The following LY86 variants were observed in gnomAD, a reference collection of about 807,000 sequenced individuals.
LY86 encodes the protein lymphocyte antigen 86.
Under a neutral mutation model 17.3 loss-of-function variants are expected in LY86, and 20 were observed. That is an observed-to-expected ratio of 1.15 (90% CI 0.81 to 1.68). LY86 has a LOEUF of 1.68. Ranked by LOEUF, LY86 falls within the 40% of genes most tolerant of loss-of-function variation. The pLI, the probability that LY86 is intolerant of heterozygous loss-of-function variation, is 0.00. For missense variants in LY86, 200 were observed against 191.9 expected (o/e 1.04, Z -0.25); for synonymous variants, 74 against 70.6 (o/e 1.05, Z -0.24).
intron 1 of LY86, among the ~76,000 whole-genome samples, chr6:6,606,202 C>A (rs1761137826): frequency 6.6e-6 from 1 of 152,074 alleles, no homozygotes; most frequent in Admixed American, 6.6e-5. Flanking sequence ...CAAAGGCTCT[C>A]CACCTCCCCA....
At chr6:6,634,493 T>C (rs1191767508) in intron 3 of LY86, among the ~76,000 whole-genome samples, 1 of 152,254 alleles carries the variant, frequency 6.6e-6, no homozygotes, top group Non-Finnish European at 1.5e-5. Context: ...TGTGACAGCA[T>C]CCAAGAGATT....
rs74384434 is a variant in LY86 at position 6,634,107 on chromosome 6, G to A, written c.352+7686G>A. The stretch of plus-strand genomic sequence containing the variant: ...CCCACAAGAACTGCTGATTCATGGC[G>A]CATCCATGCCTGCACAAGCCACTTC... On this transcript the variant is annotated intron_variant, in intron 3 of 4. Transcript: ENST00000230568. 4.1e-3 allele frequency among the ~76,000 whole-genome samples: 623 copies of A among 152,240 alleles called. 2 individuals are homozygous for A. Among genetic ancestry groups the A allele is most frequent in the African/African-American group, 0.014 (589 of 41,544 alleles).
chr6:6,646,681 A>G (rs1762112511), intron 3 of LY86, among the ~76,000 whole-genome samples: 1 of 152,090 alleles, frequency 6.6e-6, no homozygotes, highest in Non-Finnish European at 1.5e-5. Context: ...CACTGTTACA[A>G]TCAACAATTC....
At chr6:6,600,217 CCT>C (rs144168742) in intron 1 of LY86, among the ~76,000 whole-genome samples, 10,453 of 152,198 alleles carry the variant, frequency 0.069, 461 homozygotes, top group Middle Eastern at 0.15. Flanking sequence ...GGGCTGCCTT[CCT>C]CTGTGATAGG....
At chr6:6,629,662 A>T (rs1379948900) in intron 3 of LY86, among the ~76,000 whole-genome samples, 1 of 152,250 alleles carries the variant, frequency 6.6e-6, no homozygotes, top group Admixed American at 6.5e-5. Flanking sequence ...TCCAAGCCAA[A>T]TAAAACACAA....
chr6:6,596,693 A>T (rs1167802829), intron 1 of LY86, among the ~76,000 whole-genome samples: 1 of 152,186 alleles, frequency 6.6e-6, no homozygotes, highest in Non-Finnish European at 1.5e-5. Flanking sequence ...ACTGTGGTGC[A>T]GATTTTTTTT....
At chr6:6,613,633 C>T (rs1581242389) in intron 1 of LY86, among the ~76,000 whole-genome samples, 2 of 152,338 alleles carry the variant, frequency 1.3e-5, no homozygotes, top group South Asian at 2.1e-4. Context: ...CTTCCCCCTT[C>T]ATATCTCCCC....
chr6:6,626,169 C>T (rs539051068), intron 2 of LY86, 124 bp from the exon 3 acceptor site: 2 of 907,044 alleles, frequency 2.2e-6, no homozygotes, highest in African/African-American at 3.4e-5. Flanking sequence ...GAAAACTGTT[C>T]CCCACACAGA....
chr6:6,597,535 G>C (rs1166292455), intron 1 of LY86, among the ~76,000 whole-genome samples: 1 of 152,196 alleles, frequency 6.6e-6, no homozygotes, highest in Non-Finnish European at 1.5e-5. Context: ...GGCAATATCT[G>C]AGGCCCCTGA....
At chr6:6,630,869 G>T (rs375386843) in intron 3 of LY86, among the ~76,000 whole-genome samples, 3 of 152,124 alleles carry the variant, frequency 2.0e-5, no homozygotes, top group African/African-American at 7.2e-5. Context: ...CAAAGCTTTA[G>T]TCTTAGAAAA....
intron 1 of LY86, chr6:6,620,773 T>G (rs1761655324): frequency 6.6e-6 from 1 of 152,290 alleles, no homozygotes; most frequent in South Asian, 2.1e-4. Context: ...CTGATATTTG[T>G]TCAAACGCTG....
chr6:6,595,756 A>G (rs1046946334), intron 1 of LY86, among the ~76,000 whole-genome samples: 7 of 152,124 alleles, frequency 4.6e-5, no homozygotes, highest in Non-Finnish European at 1.0e-4. Flanking sequence ...AGAACAGCAT[A>G]TTTTATAGTC....
chr6:6,603,572 A>ACAAAGC, intron 1 of LY86, among the ~76,000 whole-genome samples: 1 of 149,064 alleles, frequency 6.7e-6, no homozygotes, highest in Admixed American at 6.7e-5. Context: ...AGAAGCCAAA[A>ACAAAGC]CAAAGCCAAA....
Position 6,605,998 on chromosome 6 carries a change from G to GA in LY86, c.136+17132dup, listed in dbSNP as rs770401856. On this transcript the variant is annotated intron_variant, in intron 1 of 4. Transcript: ENST00000230568. ...AGCGACCACCAGCAAAATTTACTGC[G>GA]AAAAGCAAAAGAACAAAACTTCCAC... Among the ~76,000 whole-genome samples the GA allele has an allele frequency of 1.9e-3, 285 of 152,266 alleles. 1 individual carries two copies. Among genetic ancestry groups the GA allele is most frequent in the Non-Finnish European group, 3.4e-3 (232 of 68,030 alleles).
intron 3 of LY86, among the ~76,000 whole-genome samples, chr6:6,647,757 G>T (rs1762125600): frequency 6.6e-6 from 1 of 152,150 alleles, no homozygotes; most frequent in Admixed American, 6.5e-5. Flanking sequence ...GCCTCAGGAG[G>T]TCCTGTCCTC....
chr6:6,631,805 G>A (rs1230229001), intron 3 of LY86, among the ~76,000 whole-genome samples: 8 of 152,198 alleles, frequency 5.3e-5, no homozygotes. Flanking sequence ...AGTGGACATG[G>A]CTGTGTGCCC....
intron 1 of LY86, chr6:6,622,524 A>T (rs976499558): frequency 6.6e-6 from 1 of 152,308 alleles, no homozygotes; most frequent in Non-Finnish European, 1.5e-5. Context: ...CAGCACAGAG[A>T]TACTTAGGAA....
chr6:6,593,772 C>T (rs1760605260), intron 1 of LY86, among the ~76,000 whole-genome samples: 1 of 152,190 alleles, frequency 6.6e-6, no homozygotes, highest in African/African-American at 2.4e-5. Flanking sequence ...GAGTAGATGG[C>T]ATCCTGGATG....
At chr6:6,593,158 G>A (rs1760584748) in intron 1 of LY86, among the ~76,000 whole-genome samples, 1 of 152,252 alleles carries the variant, frequency 6.6e-6, no homozygotes, top group African/African-American at 2.4e-5. Context: ...GACAGGGCCT[G>A]GGCCTTGCTC....
Sources: allele counts gnomAD v4.1 joint callset (sites outside exome capture counted in the v4.1 genomes callset), GRCh38; gene constraint gnomAD v4.1.1; transcripts MANE v1.5; gene names NCBI Gene and HGNC (gene_info 2026-07-23, HGNC 2026-07-21).